The following MGAT4C variants were observed in gnomAD, a reference collection of about 807,000 sequenced individuals.
MGAT4C encodes alpha-1,3-mannosyl-glycoprotein 4-beta-N-acetylglucosaminyltransferase C.
MGAT4C carries 19 observed loss-of-function variants against 40.1 expected under a neutral mutation model. The observed-to-expected ratio is 0.47, with a 90% CI of 0.33 to 0.70. The LOEUF is 0.70. Among genes scored for constraint, MGAT4C ranks in the 30% least tolerant of loss-of-function variants. The pLI is 0.02. For missense variants in MGAT4C, 491 were observed against 563.2 expected, an observed-to-expected ratio of 0.87 and a Z score of 1.30; for synonymous variants, 181 against 187.1, an observed-to-expected ratio of 0.97 and a Z score of 0.27.
In MGAT4C at chr12:86,661,631, C is replaced by T. The variant is rs75926744; in HGVS notation, c.-229+65578G>A. Among the ~76,000 whole-genome samples, 523 of 152,120 alleles carry T rather than the reference C, an allele frequency of 3.4e-3. 1 individual carries two copies. Among genetic ancestry groups the T allele is most frequent in the African/African-American group, 0.012 (501 of 41,496 alleles). On this transcript the variant is annotated intron_variant, in intron 2 of 7. Coordinates refer to the MGAT4C transcript ENST00000548651. ...AAAGTATCTTTGAATGGGAGGTTGTCTGGGTACAACTGAAGCAATCAAACA... is the reference window on the plus strand; with the variant it reads ...AAAGTATCTTTGAATGGGAGGTTGTTTGGGTACAACTGAAGCAATCAAACA...
At chr12:86,766,578 C>A (rs1951513243) in intron 1 of MGAT4C, among the ~76,000 whole-genome samples, 1 of 149,898 alleles carries the variant, frequency 6.7e-6, no homozygotes, top group Admixed American at 6.7e-5. Context: ...TTTTTCAGCA[C>A]CACACCACAC....
intron 2 of MGAT4C, among the ~76,000 whole-genome samples, chr12:86,725,952 T>G (rs1950815241): frequency 6.6e-6 from 1 of 152,190 alleles, no homozygotes; most frequent in Non-Finnish European, 1.5e-5. Context: ...CTGCTTTACC[T>G]CTAGAATAAA....
chr12:86,757,419 G>A (rs918409251), intron 1 of MGAT4C, among the ~76,000 whole-genome samples: 9 of 152,026 alleles, frequency 5.9e-5, no homozygotes, highest in African/African-American at 2.2e-4. Flanking sequence ...AACTTACTTT[G>A]TGCATTGCAT....
chr12:86,155,292 A>G (rs935314771), intron 1 of MGAT4C, among the ~76,000 whole-genome samples: 1 of 152,208 alleles, frequency 6.6e-6, no homozygotes, highest in Admixed American at 6.5e-5. Flanking sequence ...GTATCAAAGT[A>G]TAATGAATAG....
chr12:86,123,103 G>A (rs1473134414), intron 1 of MGAT4C, among the ~76,000 whole-genome samples: 1 of 152,142 alleles, frequency 6.6e-6, no homozygotes, highest in Non-Finnish European at 1.5e-5. Flanking sequence ...TGTGCTGAAT[G>A]CAAAGTGCCG....
At chr12:86,503,831 C>A (rs1958420506) in intron 2 of MGAT4C, among the ~76,000 whole-genome samples, 1 of 101,288 alleles carries the variant, frequency 9.9e-6, no homozygotes, top group Admixed American at 1.2e-4. Flanking sequence ...GCTCAATTTT[C>A]TGCTAAATTT....
At chr12:86,769,335 T>G (rs1281403525) in intron 1 of MGAT4C, among the ~76,000 whole-genome samples, 1 of 148,460 alleles carries the variant, frequency 6.7e-6, no homozygotes, top group Admixed American at 7.0e-5. Flanking sequence ...CTCACACCAG[T>G]TAGAATGGCA....
intron 1 of MGAT4C, among the ~76,000 whole-genome samples, chr12:86,070,968 G>T (rs879661390): frequency 7.2e-5 from 11 of 152,132 alleles, no homozygotes; most frequent in Middle Eastern, 3.4e-3. Context: ...GTAGAAGATT[G>T]TTCCTTATTC....
intron 4 of MGAT4C, among the ~76,000 whole-genome samples, chr12:86,321,495 T>G (rs1442344624): frequency 6.6e-6 from 1 of 152,198 alleles, no homozygotes; most frequent in Non-Finnish European, 1.5e-5. Context: ...GATTTATTTA[T>G]TGTTTTAATT....
chr12:86,007,216 A>C (rs2136800596), intron 2 of MGAT4C, among the ~76,000 whole-genome samples: 1 of 152,300 alleles, frequency 6.6e-6, no homozygotes, highest in African/African-American at 2.4e-5. Context: ...CATACATGAA[A>C]GACTGCAATA....
At chr12:86,469,665 C>T (rs1360176230) in intron 2 of MGAT4C, among the ~76,000 whole-genome samples, 1 of 151,966 alleles carries the variant, frequency 6.6e-6, no homozygotes, top group African/African-American at 2.4e-5. Context: ...ACTTTTGCAC[C>T]AACCTAATTT....
At chr12:86,586,903 G>T (rs538543898) in intron 2 of MGAT4C, among the ~76,000 whole-genome samples, 30 of 152,134 alleles carry the variant, frequency 2.0e-4, no homozygotes, top group Admixed American at 1.8e-3. Context: ...TTTGTGGGTT[G>T]CCTGTTCACT....
At chr12:86,153,377 A>C (rs938287082) in intron 1 of MGAT4C, among the ~76,000 whole-genome samples, 4 of 152,242 alleles carry the variant, frequency 2.6e-5, no homozygotes, top group Non-Finnish European at 4.4e-5. Flanking sequence ...GTATAACCCT[A>C]AAAACCCCAA....
chr12:86,703,166 C>A (rs1055704281), intron 2 of MGAT4C, among the ~76,000 whole-genome samples: 2 of 152,038 alleles, frequency 1.3e-5, no homozygotes, highest in Non-Finnish European at 2.9e-5. Flanking sequence ...TTGCTTCTTA[C>A]GGATGAACAA....
At chr12:86,091,448 A>G (rs1872865897) in intron 1 of MGAT4C, among the ~76,000 whole-genome samples, 1 of 152,060 alleles carries the variant, frequency 6.6e-6, no homozygotes, top group Non-Finnish European at 1.5e-5. Context: ...GCCAAATACA[A>G]AAGAAAGCAG....
chr12:86,023,838 G>A (rs1004845447), intron 2 of MGAT4C, among the ~76,000 whole-genome samples: 5 of 151,600 alleles, frequency 3.3e-5, no homozygotes, highest in Non-Finnish European at 7.4e-5. Flanking sequence ...GAAAGTTAGA[G>A]CTGAGTTGGG....
chr12:85,996,399 C>T (rs1048013210), intron 2 of MGAT4C, among the ~76,000 whole-genome samples: 1 of 152,024 alleles, frequency 6.6e-6, no homozygotes, highest in African/African-American at 2.4e-5. Context: ...AGAAATAATA[C>T]AAATAAAGCA....
intron 1 of MGAT4C, among the ~76,000 whole-genome samples, chr12:86,232,667 T>C (rs1311606983): frequency 1.3e-5 from 2 of 152,212 alleles, no homozygotes; most frequent in African/African-American, 4.8e-5. Context: ...CATTGCCTAT[T>C]TGTTTATTAA....
Position 85,976,164 on chromosome 12 carries a change from G to T in MGAT4C, c.*3125C>A, listed in dbSNP as rs928496134. 3 of 150,816 alleles carry T rather than the reference G, an allele frequency of 2.0e-5. No individual in the cohort carries two copies. The highest frequency in any genetic ancestry group is 7.3e-5 in the African/African-American group (3 of 41,264). The allele number at this position is 150,816 out of a possible 1,614,324, so 9.3% of individuals were successfully genotyped here. On this transcript the variant is annotated 3_prime_UTR_variant, in exon 5 of 5. Coordinates refer to ENST00000611864, the MANE Select transcript of MGAT4C (RefSeq NM_001351288.2). ...ATTATAAAAATTCCCAGAGAATACTGGCCCAGTAAGAAATGGAATGTTCAC... is the reference window on the plus strand; with the variant it reads ...ATTATAAAAATTCCCAGAGAATACTTGCCCAGTAAGAAATGGAATGTTCAC...
Sources: gnomAD v4.1 joint callset for allele counts (sites outside exome capture counted in the v4.1 genomes callset) on GRCh38, gnomAD v4.1.1 for gene constraint, MANE v1.5 for transcripts, NCBI Gene and HGNC (gene_info 2026-07-23, HGNC 2026-07-21) for gene names.